Variants in ANK2 observed in about 807,000 individuals in gnomAD.
The protein encoded by ANK2 is ankyrin 2.
Under a neutral mutation model 360.5 loss-of-function variants are expected in ANK2, and 83 were observed. The observed-to-expected ratio is 0.23, with a 90% CI of 0.19 to 0.28. ANK2 has a LOEUF of 0.28. Ranked by LOEUF, ANK2 falls within the 10% of genes least tolerant of loss-of-function variation. ANK2 has a pLI of 1.00. For missense variants in ANK2, 4,201 were observed against 4,795.7 expected, an observed-to-expected ratio of 0.88 and a Z score of 3.66; for synonymous variants, 1,740 against 1,759.5, an observed-to-expected ratio of 0.99 and a Z score of 0.28.
At chr4:113,190,968 G>A (rs996701944) in intron 2 of ANK2, among the ~76,000 whole-genome samples, 5 of 152,052 alleles carry the variant, frequency 3.3e-5, no homozygotes, top group African/African-American at 1.2e-4. Context: ...AACTACTAAA[G>A]AAATAATTTA....
intron 37 of ANK2, chr4:113,350,681 A>C (rs2095357032): frequency 5.6e-6 from 1 of 177,680 alleles, no homozygotes; most frequent in African/African-American, 2.4e-5. Flanking sequence ...CACCTGCAAA[A>C]GTGATACTGT....
intron 1 of ANK2, among the ~76,000 whole-genome samples, chr4:113,128,888 C>T (rs2095836722): frequency 6.6e-6 from 1 of 152,152 alleles, no homozygotes; most frequent in African/African-American, 2.4e-5. Flanking sequence ...ACTTAGAGGG[C>T]CTAGAAGCAA....
chr4:112,775,882 G>C, the ANK2 span, among the ~76,000 whole-genome samples: 1 of 152,162 alleles, frequency 6.6e-6, no homozygotes, highest in Non-Finnish European at 1.5e-5. Flanking sequence ...CCACACTTTC[G>C]CATGTGTAAG....
intron 2 of ANK2, among the ~76,000 whole-genome samples, chr4:112,953,424 T>C (rs749655495): frequency 6.6e-6 from 1 of 152,378 alleles, no homozygotes; most frequent in East Asian, 1.9e-4. Flanking sequence ...GAGTCTCTTA[T>C]GACATTCGAA....
At chr4:112,840,301 C>A (rs2061827791) in intron 1 of ANK2, among the ~76,000 whole-genome samples, 1 of 152,168 alleles carries the variant, frequency 6.6e-6, no homozygotes, top group Non-Finnish European at 1.5e-5. Flanking sequence ...TAGGGAGATA[C>A]AGTGATACAG....
At chr4:113,159,778 T>TA (rs575296053) in intron 1 of ANK2, among the ~76,000 whole-genome samples, 46,305 of 150,564 alleles carry the variant, frequency 0.31, 7,616 homozygotes, top group Middle Eastern at 0.46. Context: ...CGGCTAATTT[T>TA]TATATATATA....
intron 2 of ANK2, among the ~76,000 whole-genome samples, chr4:112,991,154 G>C (rs1196688559): frequency 6.7e-6 from 1 of 149,766 alleles, no homozygotes; most frequent in Non-Finnish European, 1.5e-5. Context: ...GGGAAGCTGA[G>C]GCAGAATTGC....
chr4:113,327,327 A>G lies in ANK2; in HGVS notation c.2901-2919A>G, dbSNP rs142923135. Reference sequence around the variant, plus strand: ...AAATCAATGTATTAGGTCTCTCTATATACATTAGAGCAGGAATAAGCCTGT... The same window carrying G: ...AAATCAATGTATTAGGTCTCTCTATGTACATTAGAGCAGGAATAAGCCTGT... On this transcript the variant is annotated intron_variant, in intron 26 of 45. Transcript: ENST00000357077. 3.6e-4 allele frequency among the ~76,000 whole-genome samples: 55 copies of G among 152,326 alleles called. 1 individual carries two copies. Among genetic ancestry groups the G allele is most frequent in the East Asian group, 2.5e-3 (13 of 5,188 alleles).
intron 2 of ANK2, among the ~76,000 whole-genome samples, chr4:112,990,370 A>T (rs1042755792): frequency 6.6e-6 from 1 of 152,218 alleles, no homozygotes; most frequent in Non-Finnish European, 1.5e-5. Flanking sequence ...CTAATAGTCA[A>T]GGTATAAAAG....
intron 2 of ANK2, among the ~76,000 whole-genome samples, chr4:112,958,626 G>A (rs902927645): frequency 6.1e-5 from 9 of 148,490 alleles, no homozygotes; most frequent in African/African-American, 2.0e-4. Context: ...GGAGAGGGGG[G>A]AGAGGGAGAG....
the ANK2 span, among the ~76,000 whole-genome samples, chr4:112,726,802 G>T: frequency 2.0e-4 from 28 of 137,260 alleles, no homozygotes; most frequent in African/African-American, 6.1e-4. Flanking sequence ...AGTGAGCCAA[G>T]ATCACCGCCA....
chr4:113,363,633 A>G (rs1054379302), intron 40 of ANK2, among the ~76,000 whole-genome samples, 164 bp downstream of exon 40: 4 of 152,162 alleles, frequency 2.6e-5, no homozygotes, highest in African/African-American at 9.7e-5. Flanking sequence ...TCCTTATAAC[A>G]TTGATGAGAA....
chr4:112,833,693 C>T (rs1343615061), intron 1 of ANK2, among the ~76,000 whole-genome samples: 2 of 152,158 alleles, frequency 1.3e-5, no homozygotes, highest in East Asian at 3.9e-4. Context: ...TTAGTAGAGA[C>T]GGGGTTTCAC....
At chr4:113,288,360 A>G (rs2065797891) in intron 19 of ANK2, 28 bp from the exon 20 acceptor site, 2 of 1,586,028 alleles carry the variant, frequency 1.3e-6, no homozygotes, top group Non-Finnish European at 1.7e-6. Flanking sequence ...TACTTTATCT[A>G]TTTTTAACTT....
intron 2 of ANK2, among the ~76,000 whole-genome samples, chr4:112,934,075 C>T (rs940753923): frequency 4.0e-5 from 6 of 151,858 alleles, no homozygotes; most frequent in East Asian, 1.9e-4. Flanking sequence ...GGAGCCTGTT[C>T]GTTGTTTTGA....
intron 4 of ANK2, among the ~76,000 whole-genome samples, chr4:113,219,565 A>G (rs1044898431): frequency 4.0e-5 from 6 of 151,644 alleles, no homozygotes; most frequent in African/African-American, 1.4e-4. Context: ...CCCCTCACAC[A>G]GAAAAAGTAT....
At chr4:112,737,791 G>A in the ANK2 span, among the ~76,000 whole-genome samples, 1 of 152,168 alleles carries the variant, frequency 6.6e-6, no homozygotes, top group Admixed American at 6.6e-5. Context: ...GACTATGTAT[G>A]TTAGGATTTT....
intron 2 of ANK2, among the ~76,000 whole-genome samples, chr4:112,926,529 G>A (rs1360261711): frequency 1.3e-5 from 2 of 152,146 alleles, no homozygotes; most frequent in African/African-American, 4.8e-5. Flanking sequence ...CTGGGTGTCT[G>A]TTCACTGGAG....
upstream of ANK2, among the ~76,000 whole-genome samples, chr4:113,048,596 A>G (rs141913295): frequency 5.9e-4 from 89 of 151,896 alleles, no homozygotes; most frequent in African/African-American, 2.1e-3. Context: ...TTTTAAATAT[A>G]CAAGTATGGC....
Sources: allele counts gnomAD v4.1 joint callset (sites outside exome capture counted in the v4.1 genomes callset), GRCh38; gene constraint gnomAD v4.1.1; transcripts MANE v1.5; gene names NCBI Gene and HGNC (gene_info 2026-07-23, HGNC 2026-07-21).